SIRT2: variants seen among roughly 807,000 people sequenced by gnomAD.
The protein encoded by SIRT2 is sirtuin 2.
In SIRT2, 40 loss-of-function variants were observed where a neutral mutation model predicts 57.4. The observed-to-expected ratio is 0.70, with a 90% confidence interval of 0.54 to 0.91. The LOEUF is 0.91. Ranked by LOEUF, SIRT2 falls within the 40% of genes least tolerant of loss-of-function variation. The pLI is 0.00. For synonymous variants in SIRT2, 161 were observed against 195.7 expected (o/e 0.82, Z 1.48); for missense variants, 439 against 510.4 (o/e 0.86, Z 1.35).
At chr19:38,890,221 G>T in intron 4 of SIRT2, 77 bp from the exon 5 acceptor site, 1 of 1,480,746 alleles carries the variant, frequency 6.8e-7, no homozygotes, top group Non-Finnish European at 9.4e-7. Context: ...CACAGCCCCT[G>T]ACATCGTTTA....
chr19:38,884,609 T>C (rs900905821), intron 8 of SIRT2, among the ~76,000 whole-genome samples: 51 of 151,988 alleles, frequency 3.4e-4, no homozygotes, highest in African/African-American at 1.2e-3. Flanking sequence ...CCACCATGAC[T>C]GGCTAATTTT....
chr19:38,898,371 C>T lies in SIRT2; in HGVS notation c.63+8G>A. On this transcript the variant is annotated splice_region_variant and intron_variant, in intron 2 of 15. Coordinates refer to ENST00000249396, the MANE Select transcript of SIRT2 (RefSeq NM_012237.4). ...CTCTCCTCCCCTCCACCCTTTCCCC[C>T]ATCTCACCTGAGCCTCCTGCACCTT... The T allele has an allele frequency of 6.6e-7, 1 of 1,512,624 alleles. No homozygotes were observed. The highest frequency in any genetic ancestry group is 8.9e-7 in the Non-Finnish European group (1 of 1,120,674). The allele number at this position is 1,512,624 out of a possible 1,614,324, so 93.7% of individuals were successfully genotyped here.
At chr19:38,894,853 G>A (rs1973664994) in intron 2 of SIRT2, 1 of 456,046 alleles carries the variant, frequency 2.2e-6, no homozygotes, top group South Asian at 1.5e-5. Flanking sequence ...CCATGCCAAT[G>A]ACCTCTGCCT....
At chr19:38,884,248 A>G (rs1455570547) in intron 8 of SIRT2, among the ~76,000 whole-genome samples, 1 of 151,632 alleles carries the variant, frequency 6.6e-6, no homozygotes, top group Non-Finnish European at 1.5e-5. Context: ...ATGTTGTTTT[A>G]TTAGAGCCAG....
intron 14 of SIRT2, 33 bp from the exon 15 acceptor site, chr19:38,879,533 C>T (rs199988971): frequency 1.5e-5 from 24 of 1,581,454 alleles, no homozygotes; most frequent in African/African-American, 2.7e-5. Flanking sequence ...AGTTCCCAGG[C>T]GGGCTCGCCC....
At chr19:38,893,630 A>C (rs920503341) in intron 3 of SIRT2, 103 bp from the exon 4 acceptor site, 2 of 1,170,936 alleles carry the variant, frequency 1.7e-6, no homozygotes, top group Non-Finnish European at 2.5e-6. Flanking sequence ...GCCTCCCCAC[A>C]TCTAAAGGCA....
rs150974362 is a variant in SIRT2 at position 38,893,838 on chromosome 19, G to A, written c.93C>T (p.Ala31=). 89 of 1,613,938 alleles carry A rather than the reference G, an allele frequency of 5.5e-5. No individual in the cohort carries two copies. The highest frequency in any genetic ancestry group is 4.2e-4 in the East Asian group (19 of 44,888). ...QDSDSDSEGG[A]AGGEADMDFL... The stretch of plus-strand genomic sequence containing the variant: ...ACTCACTGTCTGCTTCTCCACCAGC[G>A]GCTCCTCCCTCAGAGTCTGAATCTG... Residue 31 remains alanine (A), a synonymous_variant, in exon 3 of 16, where the codon GCC becomes GCT. Transcript: ENST00000249396.
At chr19:38,894,545 C>G (rs1973654732) in intron 2 of SIRT2, 1 of 296,118 alleles carries the variant, frequency 3.4e-6, no homozygotes, top group South Asian at 3.1e-5. Flanking sequence ...GGGGTCTTCC[C>G]TTCGTTCCCG....
Position 38,896,463 on chromosome 19 carries a change from C to T in SIRT2, c.63+1916G>A, listed in dbSNP as rs556328999. 4.6e-5 allele frequency among the ~76,000 whole-genome samples: 7 copies of T among 152,226 alleles called. No homozygotes were observed. In the South Asian group the frequency reaches 1.5e-3, roughly 32 times the overall value. Reference sequence around the variant, plus strand: ...AAAACTCCTGGGCTCAAGTGATCCCCCTGCCTCCCAAAGTGCTGGGATTAC... The same window carrying T: ...AAAACTCCTGGGCTCAAGTGATCCCTCTGCCTCCCAAAGTGCTGGGATTAC... On this transcript the variant is annotated intron_variant, in intron 2 of 15. Transcript: ENST00000249396.
At chr19:38,897,119 G>A (rs1257658452) in intron 2 of SIRT2, among the ~76,000 whole-genome samples, 4 of 152,176 alleles carry the variant, frequency 2.6e-5, no homozygotes, top group African/African-American at 4.8e-5. Flanking sequence ...TTCTGCATCT[G>A]TAAAATGGCC....
intron 14 of SIRT2, 31 bp downstream of exon 14, chr19:38,879,601 C>T: frequency 6.4e-7 from 1 of 1,559,646 alleles, no homozygotes; most frequent in Non-Finnish European, 8.7e-7. Flanking sequence ...CTGTCCCTTC[C>T]AGGCTGCCCC....
Position 38,880,677 on chromosome 19 carries a change from G to C in SIRT2, c.876+8C>G. 1 of 1,554,592 alleles carries C rather than the reference G, an allele frequency of 6.4e-7. No homozygotes were observed. Among genetic ancestry groups the C allele is most frequent in the Non-Finnish European group, 8.7e-7 (1 of 1,148,192 alleles). On this transcript the variant is annotated splice_region_variant and intron_variant, in intron 13 of 15. Coordinates refer to ENST00000249396, the MANE Select transcript of SIRT2 (RefSeq NM_012237.4). This position sits in a 1 kb window ranked among gnomAD's most constrained non-coding sequence, Gnocchi z 4.1. The stretch of plus-strand genomic sequence containing the variant: ...TGTGACGACGGGGGCTTGAAGAAGG[G>C]CTCTTACCTGGCCAGCTTTCTCCTT...
chr19:38,879,843 G>A (rs1324115628), intron 13 of SIRT2, 141 bp from the exon 14 acceptor site: 1 of 645,658 alleles, frequency 1.5e-6, no homozygotes, highest in Non-Finnish European at 2.7e-6. Context: ...GGTTTTTTTT[G>A]AGACAAAGTT....
chr19:38,883,519 C>CA (rs1257875375), intron 9 of SIRT2, 108 bp downstream of exon 9: 4 of 1,436,664 alleles, frequency 2.8e-6, no homozygotes, highest in African/African-American at 2.8e-5. Context: ...ACAAACAAAA[C>CA]AAAAAAACCC....
At chr19:38,883,123 C>T (rs1973209938) in intron 9 of SIRT2, among the ~76,000 whole-genome samples, 1 of 149,046 alleles carries the variant, frequency 6.7e-6, no homozygotes, top group South Asian at 2.1e-4. Context: ...TCTTGTTGCC[C>T]AAGCTGGAGT....
At chr19:38,893,574 G>A in intron 3 of SIRT2, 47 bp from the exon 4 acceptor site, 1 of 1,387,866 alleles carries the variant, frequency 7.2e-7, no homozygotes, top group Non-Finnish European at 1.0e-6. Context: ...ATTCAGCCAG[G>A]GGCATGGATG....
chr19:38,884,360 C>T (rs1028188709), intron 8 of SIRT2, among the ~76,000 whole-genome samples: 15 of 152,178 alleles, frequency 9.9e-5, no homozygotes, highest in Non-Finnish European at 1.3e-4. Flanking sequence ...TTGTGCAGTG[C>T]GCACCCTGCA....
chr19:38,880,709 G>A lies in SIRT2; in HGVS notation c.852C>T (p.Leu284=), dbSNP rs1973120537. The change falls in exon 13 of 16, where the codon CTC becomes CTT. Residue 284 remains leucine (L), a synonymous_variant. Transcript: ENST00000249396. The surrounding 1 kb of genome is among the most constrained non-coding windows in gnomAD (Gnocchi z 4.1). ...CCTGGCCAGCTTTCTCCTTGTTGATGAGCAGGCGAGGGGTGGAGAGGGGTG... is the reference window on the plus strand; with the variant it reads ...CCTGGCCAGCTTTCTCCTTGTTGATAAGCAGGCGAGGGGTGGAGAGGGGTG... ...SKAPLSTPRL[L]INKEKAGQSD... 2 of 1,583,220 alleles carry A rather than the reference G, an allele frequency of 1.3e-6. No individual in the cohort carries two copies. The highest frequency in any genetic ancestry group is 1.7e-6 in the Non-Finnish European group (2 of 1,161,778).
Position 38,889,431 on chromosome 19 carries a change from G to A in SIRT2, c.432+258C>T, listed in dbSNP as rs562642594. 2.4e-5 allele frequency: 16 copies of A among 670,824 alleles called. 1 individual carries two copies. The highest frequency in any genetic ancestry group is 2.5e-4 in the Middle Eastern group (1 of 3,974). 41.6% of individuals were successfully genotyped at this position (670,824 alleles called of 1,614,324 possible). A position where few individuals can be genotyped will look rare whatever the true frequency, so the allele number is the denominator to read the frequency against. ...GGCTGCAGGGTCCCGGGCTCTCAAC[G>A]GCATCATTAGTCAGCTAAGCCTCGC... On this transcript the variant is annotated intron_variant, in intron 7 of 15. Transcript: ENST00000249396.
Sources: allele counts gnomAD v4.1 joint callset (sites outside exome capture counted in the v4.1 genomes callset), GRCh38; gene constraint gnomAD v4.1.1; non-coding constraint Gnocchi (gnomAD v3.1); transcripts MANE v1.5; gene names NCBI Gene and HGNC (gene_info 2026-07-23, HGNC 2026-07-21).